TTC34: variants seen among roughly 807,000 people sequenced by gnomAD.
TTC34 encodes tetratricopeptide repeat domain 34, also known as tetratricopeptide repeat protein 34.
In TTC34, 44 loss-of-function variants were observed where a neutral mutation model predicts 40.7. The observed-to-expected ratio is 1.08, with a 90% CI of 0.85 to 1.39. The LOEUF is 1.39. TTC34 is among the 40% of genes most tolerant of loss of function. The pLI is 0.00. For missense variants in TTC34, 884 were observed against 838.0 expected, an observed-to-expected ratio of 1.05 and a Z score of -0.68; for synonymous variants, 422 against 398.6, an observed-to-expected ratio of 1.06 and a Z score of -0.70.
At chr1:2,685,685 G>T (rs1313545650) in intron 6 of TTC34, among the ~76,000 whole-genome samples, 2 of 147,804 alleles carry the variant, frequency 1.4e-5, no homozygotes, top group Admixed American at 1.3e-4. Flanking sequence ...ACACCCCCAG[G>T]CGAGCATCTG....
chr1:2,687,365 C>A (rs4074927), intron 6 of TTC34, among the ~76,000 whole-genome samples: 40,960 of 143,706 alleles, frequency 0.29, 2,310 homozygotes, highest in Non-Finnish European at 0.36. Context: ...AGCACCCCCA[C>A]CCCCAGGCGA....
In TTC34 at chr1:2,671,786, C is replaced by A. The variant is rs544818785; in HGVS notation, c.2227-26223G>T. Among the ~76,000 whole-genome samples the A allele has an allele frequency of 2.7e-5, 4 of 148,902 alleles. No homozygotes were observed. In the East Asian group the frequency reaches 6.0e-4, roughly 22 times the overall value. The stretch of plus-strand genomic sequence containing the variant: ...GCATCTGACAACCTGAAGCAGCACC[C>A]ACACACCGAGGTGAGCATCTGACCT... On this transcript the variant is annotated intron_variant, in intron 6 of 8. Coordinates refer to ENST00000401095, the Ensembl canonical transcript of TTC34.
chr1:2,653,527 AC>A (rs1639224504), intron 6 of TTC34, among the ~76,000 whole-genome samples: 1 of 151,876 alleles, frequency 6.6e-6, no homozygotes, highest in Admixed American at 6.6e-5. Context: ...CAGCACCCAC[AC>A]CCCCAGGTGA....
intron 6 of TTC34, among the ~76,000 whole-genome samples, chr1:2,687,638 C>T (rs1419622064): frequency 6.7e-6 from 1 of 148,252 alleles, no homozygotes; most frequent in African/African-American, 2.6e-5. Context: ...CCTGGAACAG[C>T]ACCCACACCC....
At chr1:2,785,682 G>A (rs1643575678) in intron 5 of TTC34, 137 bp downstream of exon 5, 1 of 992,766 alleles carries the variant, frequency 1.0e-6, no homozygotes, top group East Asian at 3.0e-5. Context: ...CCCTTGCCCT[G>A]TCCAACCCGT....
chr1:2,649,884 G>A (rs1337143696), intron 6 of TTC34, among the ~76,000 whole-genome samples: 64 of 126,422 alleles, frequency 5.1e-4, no homozygotes, highest in Middle Eastern at 0.014. Context: ...ATGGCACTCT[G>A]CATCCCCAAG....
intron 6 of TTC34, among the ~76,000 whole-genome samples, chr1:2,698,722 C>G (rs1557630985): frequency 1.5e-5 from 2 of 136,792 alleles, no homozygotes; most frequent in Admixed American, 7.2e-5. Flanking sequence ...GGAGCAGCAC[C>G]AACAACCCCA....
rs571527469 is a variant in TTC34 at position 2,686,644 on chromosome 1, C to A, written c.2227-41081G>T. 3.3e-5 allele frequency among the ~76,000 whole-genome samples: 5 copies of A among 151,562 alleles called. No homozygotes were observed. In the East Asian group the frequency reaches 7.7e-4, roughly 23 times the overall value. On this transcript the variant is annotated intron_variant, in intron 6 of 8. Coordinates refer to ENST00000401095, the Ensembl canonical transcript of TTC34. ...ACAGCATGTAACAGCACCCACACACCCAGGTGAGCATCTGACAGCCTGGAA... is the reference window on the plus strand; with the variant it reads ...ACAGCATGTAACAGCACCCACACACACAGGTGAGCATCTGACAGCCTGGAA...
At chr1:2,644,393 C>T (rs1638975816) in exon 8 of TTC34, 1 of 1,535,874 alleles carries the variant, frequency 6.5e-7, no homozygotes, top group Admixed American at 2.0e-5. Flanking sequence ...TGAGCTGGAG[C>T]AGGCCCAGCC....
exon 6 of TTC34, chr1:2,783,763 C>T (rs567400523): frequency 5.3e-6 from 8 of 1,510,896 alleles, no homozygotes; most frequent in South Asian, 1.3e-5. Flanking sequence ...GAGGGACTCA[C>T]TTGCCTGGCT....
exon 9 of TTC34, chr1:2,640,486 C>CGAGG (rs1228188147): frequency 2.0e-5 from 3 of 152,090 alleles, no homozygotes; most frequent in Non-Finnish European, 4.4e-5. Context: ...CAGGGCCCCT[C>CGAGG]GGTGGTCCCT....
intron 6 of TTC34, among the ~76,000 whole-genome samples, chr1:2,760,525 C>T (rs1181910416): frequency 2.1e-5 from 1 of 47,080 alleles, no homozygotes; most frequent in Non-Finnish European, 3.3e-5. Flanking sequence ...GCACCCACAC[C>T]CCCAGGTGAG....
intron 6 of TTC34, among the ~76,000 whole-genome samples, chr1:2,686,680 C>T (rs925087533): frequency 7.9e-5 from 11 of 139,536 alleles, no homozygotes; most frequent in East Asian, 2.4e-4. Flanking sequence ...CAGCACCCTG[C>T]ACCCCCAGGT....
chr1:2,749,046 A>T (rs1641234184), intron 6 of TTC34, among the ~76,000 whole-genome samples: 58 of 125,798 alleles, frequency 4.6e-4, no homozygotes, highest in Admixed American at 7.6e-4. Context: ...CCACACCCCC[A>T]GGTGAGAATC....
chr1:2,799,969 G>T, intron 2 of TTC34, 75 bp downstream of exon 2: 1 of 398,336 alleles, frequency 2.5e-6, no homozygotes. Context: ...ATCATGGCAG[G>T]ACATAACCAT....
In TTC34 at chr1:2,759,412, G is replaced by T. The variant is rs1219331299; in HGVS notation, c.2226+24197C>A. Among the ~76,000 whole-genome samples the T allele has an allele frequency of 1.1e-4, 4 of 37,990 alleles. 1 individual carries two copies. The highest frequency in any genetic ancestry group is 4.7e-5 in the Non-Finnish European group (1 of 21,230). 24.9% of individuals were successfully genotyped at this position (37,990 alleles called of 152,430 possible). ...AGCACCCACACCCCCAGGTGGGCATGTGACAGCCTGGATCAGCACCCACAC... is the reference window on the plus strand; with the variant it reads ...AGCACCCACACCCCCAGGTGGGCATTTGACAGCCTGGATCAGCACCCACAC... On this transcript the variant is annotated intron_variant, in intron 6 of 8. Transcript: ENST00000401095.
chr1:2,685,892 A>C (rs1640315577), intron 6 of TTC34, among the ~76,000 whole-genome samples: 3 of 146,538 alleles, frequency 2.0e-5, no homozygotes, highest in Non-Finnish European at 4.5e-5. Context: ...CCAGGTGAGC[A>C]TCTGACAGCC....
intron 6 of TTC34, among the ~76,000 whole-genome samples, chr1:2,781,228 G>T (rs960999908): frequency 3.9e-5 from 6 of 152,188 alleles, no homozygotes; most frequent in African/African-American, 1.4e-4. Context: ...AGGGCTGACT[G>T]TAGGACTTCA....
chr1:2,752,332 C>A (rs1310760365), intron 6 of TTC34, among the ~76,000 whole-genome samples: 2 of 128,970 alleles, frequency 1.6e-5, no homozygotes, highest in Admixed American at 8.0e-5. Context: ...CACGCACACC[C>A]CCAGGTGAGC....
Sources: gnomAD v4.1 joint callset for allele counts (sites outside exome capture counted in the v4.1 genomes callset) on GRCh38, gnomAD v4.1.1 for gene constraint, MANE v1.5 for transcripts, NCBI Gene and HGNC (gene_info 2026-07-23, HGNC 2026-07-21) for gene names.